Variants in GNB2 observed in about 807,000 individuals in gnomAD.
GNB2 encodes G protein subunit beta 2.
In GNB2, 7 loss-of-function variants were observed where a neutral mutation model predicts 40.7. The observed-to-expected ratio is 0.17, with a 90% confidence interval of 0.10 to 0.32. The LOEUF is 0.32. Among genes scored for constraint, GNB2 ranks in the 10% least tolerant of loss-of-function variants. GNB2 has a pLI of 1.00. For synonymous variants in GNB2, 254 were observed against 191.2 expected (o/e 1.33, Z -2.71); for missense variants, 286 against 473.0 (o/e 0.60, Z 3.67).
rs889326829 is a variant in GNB2, at chr7:100,678,015, G to A, written c.498-83G>A. The A allele has an allele frequency of 4.0e-6, 5 of 1,236,346 alleles. No individual in the cohort carries two copies. The African/African-American group carries it at 7.4e-5, about 18-fold the overall frequency. The allele number at this position is 1,236,346 out of a possible 1,614,324, so 76.6% of individuals were successfully genotyped here. A position where few individuals can be genotyped will look rare whatever the true frequency, so the allele number is the denominator to read the frequency against. ...TCCCTGGACCCTTCCACAGGGTTGG[G>A]CTCACGTGGTGGGGCGGGGAGAACA... is the stretch of plus-strand genomic sequence containing the variant. On this transcript the variant is annotated intron_variant, in intron 7 of 9. Transcript: ENST00000303210.
At chr7:100,674,536 A>G (rs1804309404) in intron 1 of GNB2, among the ~76,000 whole-genome samples, 1 of 146,996 alleles carries the variant, frequency 6.8e-6, no homozygotes, top group Non-Finnish European at 1.5e-5. Context: ...TCTTTTAGGC[A>G]AAATGGAGGT....
At chr7:100,677,720 G>A in intron 6 of GNB2, 32 bp from the exon 7 acceptor site, 1 of 1,613,060 alleles carries the variant, frequency 6.2e-7, no homozygotes. Context: ...TGCCCTCCGT[G>A]TGGAGACCTG....
Position 100,678,373 on chromosome 7 carries a change from C to T in GNB2, c.700-25C>T, listed in dbSNP as rs776413782. The T allele has an allele frequency of 6.9e-6, 11 of 1,605,542 alleles. No homozygotes were observed. In the South Asian group the frequency reaches 1.1e-4, roughly 16 times the overall value. On this transcript the variant is annotated intron_variant, in intron 8 of 9. Transcript: ENST00000303210. ...CCCTGCTCCTCACCCTCACCCTCAC[C>T]CCATCTGGGTCCCGTGTCCTGCAGT...
intron 7 of GNB2, 94 bp from the exon 8 acceptor site, chr7:100,678,004 C>T (rs1804393417): frequency 2.6e-6 from 3 of 1,171,926 alleles, no homozygotes; most frequent in Non-Finnish European, 2.5e-6. Context: ...TGGACCCTTC[C>T]ACAGGGTTGG....
chr7:100,677,867 C>T (rs1236179026), intron 7 of GNB2, 49 bp downstream of exon 7: 1 of 1,496,032 alleles, frequency 6.7e-7, no homozygotes, highest in South Asian at 1.1e-5. Context: ...ACACTTCCTG[C>T]CTCAGGGGCC....
rs550319791 is a variant in GNB2 at position 100,676,938 on chromosome 7, G to A, written c.203+139G>A. 8.1e-6 allele frequency: 5 copies of A among 617,016 alleles called. No individual in the cohort carries two copies. The East Asian group carries it at 1.4e-4, about 17-fold the overall frequency. 38.2% of individuals were successfully genotyped at this position (617,016 alleles called of 1,614,324 possible). A position where few individuals can be genotyped will look rare whatever the true frequency, so the allele number is the denominator to read the frequency against. On this transcript the variant is annotated intron_variant, in intron 4 of 9. Transcript: ENST00000303210. ...AAAACGGTGACTCCCAGACATGTCC[G>A]CCAGACCTGGACAGGCAGGACCATG...
rs1158417545 is a variant in GNB2 at position 100,676,339 on chromosome 7, G to A, written c.57+17G>A. ...CAGATCCGGGTGAGGGCCTGGTGCG[G>A]GGCGGGCGATTCATGTGTACACCGC... On this transcript the variant is annotated intron_variant, in intron 2 of 9. Transcript: ENST00000303210. The A allele has an allele frequency of 1.3e-6, 2 of 1,595,554 alleles. No homozygotes were observed. Among genetic ancestry groups the A allele is most frequent in the African/African-American group, 2.7e-5 (2 of 74,662 alleles).
At position 100,678,446 on chromosome 7, in the gene GNB2, T is replaced by A; in HGVS notation, c.748T>A (p.Cys250Ser). The change falls in exon 9 of 10, where the codon TGC becomes AGC. Residue 250 changes from cysteine (C) to serine (S), a missense_variant. By Grantham distance (112) the Cys-to-Ser change is moderately radical. Transcript: ENST00000303210. ...AFTTGSDDAT[C>S]RLFDLRADQE... ...CACCACCGGCTCTGACGACGCCACG[T>A]GCCGCCTCTTCGACCTGCGGGCCGA... 6.2e-7 allele frequency: 1 copy of A among 1,613,790 alleles called. No homozygotes were observed. The highest frequency in any genetic ancestry group is 8.5e-7 in the Non-Finnish European group (1 of 1,180,012).
chr7:100,676,048 C>T, intron 1 of GNB2, 129 bp from the exon 2 acceptor site: 2 of 501,520 alleles, frequency 4.0e-6, no homozygotes, highest in Non-Finnish European at 7.0e-6. Flanking sequence ...CCTGGTTGTG[C>T]CCGGGGACGG....
chr7:100,676,434 C>T, intron 2 of GNB2, 101 bp from the exon 3 acceptor site: 1 of 1,318,154 alleles, frequency 7.6e-7, no homozygotes, highest in Non-Finnish European at 1.1e-6. Context: ...CTTAATGGCT[C>T]AGAATCTGAC....
intron 7 of GNB2, 114 bp from the exon 8 acceptor site, chr7:100,677,984 A>G: frequency 2.8e-6 from 3 of 1,059,602 alleles, no homozygotes; most frequent in Non-Finnish European, 4.3e-6. Context: ...GGCTCTGAGA[A>G]GAGCCTCCCT....
chr7:100,676,835 A>T, intron 4 of GNB2, 36 bp downstream of exon 4: 1 of 1,242,760 alleles, frequency 8.0e-7, no homozygotes, highest in Non-Finnish European at 1.1e-6. Context: ...CTGTGGGCCG[A>T]CTTTCTAGCA....
chr7:100,677,103 G>A, intron 4 of GNB2: 2 of 594,670 alleles, frequency 3.4e-6, no homozygotes, highest in South Asian at 2.0e-5. Flanking sequence ...GTGAGACCCT[G>A]GCTCTACTAA....
At chr7:100,676,125 C>G in intron 1 of GNB2, 52 bp from the exon 2 acceptor site, 1 of 560,844 alleles carries the variant, frequency 1.8e-6, no homozygotes, top group Non-Finnish European at 3.1e-6. Context: ...CCCCGCCTTT[C>G]TCCCCACTTC....
rs1163988980 is a variant in GNB2, at chr7:100,678,611, G to T, written c.913G>T (p.Ala305Ser). Residue 305 changes from alanine (A) to serine (S), a missense_variant, in exon 9 of 10, where the codon GCA becomes TCA. Ala to Ser is a moderately conservative substitution (Grantham distance 99, BLOSUM62 1). Coordinates refer to ENST00000303210, the MANE Select transcript of GNB2 (RefSeq NM_005273.4). Reference sequence around the variant, plus strand: ...CTGGGATGCCATGAAGGGCGACCGTGCAGGTGACAGCTGGGGCCCAGGCTG... The same window carrying T: ...CTGGGATGCCATGAAGGGCGACCGTTCAGGTGACAGCTGGGGCCCAGGCTG... ...NIWDAMKGDR[A>S]GVLAGHDNRV... 1 of 1,612,986 alleles carries T rather than the reference G, an allele frequency of 6.2e-7. No individual in the cohort carries two copies. The highest frequency in any genetic ancestry group is 8.5e-7 in the Non-Finnish European group (1 of 1,179,236).
chr7:100,676,214 C>A lies in GNB2; in HGVS notation c.-52C>A. ...CGGCCAGGAGCTGCCTCCCCCAGCC[C>A]CCGTCCCGCGGCCCCCAGCCGCCCC... On this transcript the variant is annotated 5_prime_UTR_variant, in exon 2 of 10. Coordinates refer to ENST00000303210, the MANE Select transcript of GNB2 (RefSeq NM_005273.4). 1.7e-6 allele frequency: 2 copies of A among 1,168,488 alleles called. No homozygotes were observed. The highest frequency in any genetic ancestry group is 2.5e-6 in the Non-Finnish European group (2 of 809,172). 72.4% of individuals were successfully genotyped at this position (1,168,488 alleles called of 1,614,324 possible).
At position 100,678,541 on chromosome 7, in the gene GNB2, C is replaced by T. The variant is rs148398821; in HGVS notation, c.843C>T (p.Ser281=). ...TCACCTCTGTTGCCTTCTCGCGCAG[C>T]GGACGGCTGCTGCTCGCTGGCTACG... The part of the protein sequence containing the change: ...CGITSVAFSR[S]GRLLLAGYDD... Residue 281 remains serine, a synonymous_variant, in exon 9 of 10, where the codon AGC becomes AGT. Coordinates refer to ENST00000303210, the MANE Select transcript of GNB2 (RefSeq NM_005273.4). 45 of 1,613,910 alleles carry T rather than the reference C, an allele frequency of 2.8e-5. No homozygotes were observed. Among genetic ancestry groups the T allele is most frequent in the South Asian group, 9.9e-5 (9 of 91,092 alleles).
chr7:100,675,797 T>G, intron 1 of GNB2: 1 of 159,532 alleles, frequency 6.3e-6, no homozygotes, highest in Non-Finnish European at 1.4e-5. Context: ...CACCGCCCCT[T>G]TTAAAATTAG....
At position 100,678,294 on chromosome 7, in the gene GNB2, G is replaced by A; in HGVS notation, c.694G>A (p.Val232Met). The A allele has an allele frequency of 6.2e-7, 1 of 1,613,356 alleles. No homozygotes were observed. The change falls in exon 8 of 10, where the codon GTG (valine) becomes ATG (methionine). Residue 232 changes from valine to methionine, a missense_variant. Transcript: ENST00000303210. Reference sequence around the variant, plus strand: ...CGGCCATGAATCCGACATCAATGCAGTGGCTGTGAGTTTTGGGGCGAGCTA... The same window carrying A: ...CGGCCATGAATCCGACATCAATGCAATGGCTGTGAGTTTTGGGGCGAGCTA... ...FIGHESDINA[V>M]AFFPNGYAFT...
Sources: allele counts gnomAD v4.1 joint callset (sites outside exome capture counted in the v4.1 genomes callset), GRCh38; gene constraint gnomAD v4.1.1; transcripts MANE v1.5; gene names NCBI Gene and HGNC (gene_info 2026-07-23, HGNC 2026-07-21).